The following COL25A1 variants were observed in gnomAD, a reference collection of about 807,000 sequenced individuals.
COL25A1 encodes the protein collagen alpha-1(XXV) chain.
Under a neutral mutation model 128.4 loss-of-function variants are expected in COL25A1, and 103 were observed. That is an observed-to-expected ratio of 0.80 (90% confidence interval 0.68 to 0.94). The LOEUF is 0.94. COL25A1 is among the 40% of genes least tolerant of loss of function. COL25A1 has a pLI of 0.00. For synonymous variants in COL25A1, 279 were observed against 277.2 expected (o/e 1.01, Z -0.06); for missense variants, 745 against 840.0 (o/e 0.89, Z 1.40).
At position 108,920,672 on chromosome 4, in the gene COL25A1, C is replaced by T. The variant is rs1745397855; in HGVS notation, c.709-68G>A. On this transcript the variant is annotated intron_variant, in intron 11 of 37. Coordinates refer to ENST00000399132, the MANE Select transcript of COL25A1 (RefSeq NM_198721.4). ...TTTAAGCTTAGATGACCAATTTAAA[C>T]TGTCCTATTCTCTAAGATTCTCTTT... is the stretch of plus-strand genomic sequence containing the variant. 1.3e-5 allele frequency: 14 copies of T among 1,094,114 alleles called. No individual in the cohort carries two copies. The South Asian group carries it at 2.0e-4, about 16-fold the overall frequency. The allele number at this position is 1,094,114 out of a possible 1,614,324, so 67.8% of individuals were successfully genotyped here.
intron 3 of COL25A1, among the ~76,000 whole-genome samples, chr4:109,096,568 T>C (rs916265859): frequency 7.6e-6 from 1 of 130,764 alleles, no homozygotes; most frequent in Non-Finnish European, 1.6e-5. Context: ...CACTCTGTCA[T>C]GTCCACACAA....
chr4:109,098,406 C>A (rs771809936), intron 3 of COL25A1, among the ~76,000 whole-genome samples: 3 of 152,128 alleles, frequency 2.0e-5, no homozygotes, highest in Non-Finnish European at 4.4e-5. Context: ...GATACCAGCA[C>A]CTGCTTTAAT....
chr4:109,088,207 G>A (rs2126004239), intron 3 of COL25A1, among the ~76,000 whole-genome samples: 1 of 152,102 alleles, frequency 6.6e-6, no homozygotes, highest in Non-Finnish European at 1.5e-5. Flanking sequence ...CAGTTTAGAG[G>A]CTGTGTTGAG....
intron 3 of COL25A1, among the ~76,000 whole-genome samples, chr4:109,125,289 G>A (rs1477077675): frequency 6.6e-6 from 1 of 152,134 alleles, no homozygotes; most frequent in Non-Finnish European, 1.5e-5. Context: ...GAAGGCAGTT[G>A]CTGCAATCTA....
chr4:109,295,385 G>A (rs148490514), intron 3 of COL25A1, among the ~76,000 whole-genome samples: 94 of 152,150 alleles, frequency 6.2e-4, no homozygotes, highest in African/African-American at 2.2e-3. Flanking sequence ...GCACTCAGAT[G>A]TCACATTGTA....
intron 18 of COL25A1, among the ~76,000 whole-genome samples, chr4:108,885,467 T>C (rs1329501572): frequency 2.6e-5 from 4 of 152,206 alleles, no homozygotes; most frequent in African/African-American, 9.6e-5. Flanking sequence ...AAGGTTTGCA[T>C]TGTGAACAAT....
chr4:108,991,743 A>G (rs769851464), intron 6 of COL25A1, among the ~76,000 whole-genome samples: 18 of 152,116 alleles, frequency 1.2e-4, no homozygotes, highest in Non-Finnish European at 2.6e-4. Context: ...CCCCGCCCCC[A>G]AGTCAGGCTA....
intron 3 of COL25A1, among the ~76,000 whole-genome samples, chr4:109,151,262 T>C (rs1771475384): frequency 6.6e-6 from 1 of 152,124 alleles, no homozygotes; most frequent in South Asian, 2.1e-4. Context: ...AAGTTACCTA[T>C]AGATTAGCAA....
At chr4:108,951,036 A>T (rs914985628) in intron 8 of COL25A1, among the ~76,000 whole-genome samples, 2 of 152,236 alleles carry the variant, frequency 1.3e-5, no homozygotes, top group Non-Finnish European at 2.9e-5. Flanking sequence ...GGTTTCTGAA[A>T]GAAGGTATTC....
chr4:108,952,997 T>C (rs904317998), intron 8 of COL25A1, among the ~76,000 whole-genome samples: 22 of 152,102 alleles, frequency 1.4e-4, no homozygotes, highest in Non-Finnish European at 2.5e-4. Context: ...TCCTTGGGCA[T>C]GCACCCTTAA....
At chr4:109,016,142 C>T (rs1757193155) in intron 5 of COL25A1, among the ~76,000 whole-genome samples, 1 of 152,212 alleles carries the variant, frequency 6.6e-6, no homozygotes, top group Non-Finnish European at 1.5e-5. Context: ...CTTAGAAGTG[C>T]CTGCTCCCAC....
chr4:109,096,772 T>C (rs1408452424), intron 3 of COL25A1, among the ~76,000 whole-genome samples: 1 of 152,240 alleles, frequency 6.6e-6, no homozygotes, highest in Non-Finnish European at 1.5e-5. Context: ...AGGCCTGTCA[T>C]AGAACGGCAC....
intron 3 of COL25A1, among the ~76,000 whole-genome samples, chr4:109,235,226 A>AT (rs1478336964): frequency 2.0e-5 from 3 of 152,122 alleles, no homozygotes; most frequent in Non-Finnish European, 4.4e-5. Flanking sequence ...ATCAGCAGCA[A>AT]TTTTTTAAGA....
chr4:109,184,629 T>C (rs1774974935), intron 3 of COL25A1, among the ~76,000 whole-genome samples: 1 of 152,198 alleles, frequency 6.6e-6, no homozygotes, highest in African/African-American at 2.4e-5. Context: ...ATCAGAGTTC[T>C]ATTTTCTAGG....
intron 3 of COL25A1, among the ~76,000 whole-genome samples, chr4:109,129,228 C>A (rs1470331538): frequency 6.6e-6 from 1 of 151,916 alleles, no homozygotes; most frequent in Admixed American, 6.6e-5. Context: ...CTTCCAGGTT[C>A]AAGCGATTCT....
chr4:108,941,535 T>A, intron 8 of COL25A1, 98 bp from the exon 9 acceptor site: 1 of 833,674 alleles, frequency 1.2e-6, no homozygotes, highest in Non-Finnish European at 2.0e-6. Context: ...GATATCCACA[T>A]TAGACTTATA....
chr4:108,883,904 G>A (rs1046079751), intron 19 of COL25A1, among the ~76,000 whole-genome samples: 3 of 152,114 alleles, frequency 2.0e-5, no homozygotes, highest in Non-Finnish European at 4.4e-5. Flanking sequence ...AGACTTTAAA[G>A]AATTCCTGTG....
At chr4:108,940,422 C>A in intron 10 of COL25A1, 117 bp downstream of exon 10, 1 of 826,896 alleles carries the variant, frequency 1.2e-6, no homozygotes, top group East Asian at 2.4e-5. Flanking sequence ...TCCCTCAACC[C>A]ACTCCACTCA....
chr4:109,072,289 T>C (rs1763035652), intron 3 of COL25A1, among the ~76,000 whole-genome samples: 1 of 152,238 alleles, frequency 6.6e-6, no homozygotes. Context: ...TGTTAACAGA[T>C]GAACGATGTT....
Sources: allele counts gnomAD v4.1 joint callset (sites outside exome capture counted in the v4.1 genomes callset), GRCh38; gene constraint gnomAD v4.1.1; transcripts MANE v1.5; gene names NCBI Gene and HGNC (gene_info 2026-07-23, HGNC 2026-07-21).